Variants in XKR9 observed in about 807,000 individuals in gnomAD.
XKR9 encodes the protein XK related 9, also known as XK-related protein 9.
A neutral mutation model predicts 32.0 loss-of-function variants in XKR9; 32 were observed. The ratio of observed to expected loss-of-function variants is 1.00; its 90% confidence interval spans 0.76 to 1.34. The LOEUF (loss-of-function observed/expected upper bound fraction) is 1.34, where lower values mean the gene tolerates loss of function less well. XKR9 is among the 40% of genes most tolerant of loss of function. The pLI is 0.00. For synonymous variants in XKR9, 168 were observed against 143.4 expected (o/e 1.17, Z -1.22); for missense variants, 546 against 429.7 (o/e 1.27, Z -2.39).
At chr8:70,934,984 C>T in the XKR9 span, among the ~76,000 whole-genome samples, 1 of 151,236 alleles carries the variant, frequency 6.6e-6, no homozygotes, top group African/African-American at 2.4e-5. Flanking sequence ...ACTCTCATCC[C>T]TCCATATGTG....
intron 2 of XKR9, among the ~76,000 whole-genome samples, chr8:70,761,271 G>C (rs1259420244): frequency 6.6e-6 from 1 of 152,126 alleles, no homozygotes; most frequent in African/African-American, 2.4e-5. Context: ...GTCTCTAGGT[G>C]TTTGAGGAAT....
At chr8:70,700,838 G>A (rs962217151) in intron 3 of XKR9, among the ~76,000 whole-genome samples, 5 of 152,214 alleles carry the variant, frequency 3.3e-5, no homozygotes, top group Admixed American at 6.5e-5. Flanking sequence ...TGGGCTCCAC[G>A]CAGTTTGAGC....
the XKR9 span, among the ~76,000 whole-genome samples, chr8:70,903,884 A>T: frequency 6.6e-6 from 1 of 151,988 alleles, no homozygotes; most frequent in Admixed American, 6.6e-5. Context: ...TTGTGCCTTC[A>T]TTTCATTATG....
the XKR9 span, among the ~76,000 whole-genome samples, chr8:70,894,635 G>T: frequency 6.6e-6 from 1 of 152,176 alleles, no homozygotes; most frequent in Admixed American, 6.5e-5. Context: ...CTTCAGCTTA[G>T]GTGCTAGGGT....
At chr8:70,943,851 A>G in the XKR9 span, among the ~76,000 whole-genome samples, 1 of 152,202 alleles carries the variant, frequency 6.6e-6, no homozygotes, top group African/African-American at 2.4e-5. Flanking sequence ...ACTGTAGTGA[A>G]TACTATCTTC....
the XKR9 span, among the ~76,000 whole-genome samples, chr8:70,816,476 A>G: frequency 1.3e-5 from 2 of 152,220 alleles, no homozygotes; most frequent in African/African-American, 4.8e-5. Context: ...TAACAAAGAT[A>G]CAGAATCAAC....
At chr8:70,891,025 T>G in the XKR9 span, among the ~76,000 whole-genome samples, 1 of 152,032 alleles carries the variant, frequency 6.6e-6, no homozygotes, top group South Asian at 2.1e-4. Context: ...ATCTTGGCAG[T>G]TTGTATGTGT....
chr8:70,865,508 T>G, the XKR9 span, among the ~76,000 whole-genome samples: 8 of 152,162 alleles, frequency 5.3e-5, no homozygotes, highest in Non-Finnish European at 1.0e-4. Context: ...TGCAATTGTA[T>G]TTTTTTAATT....
chr8:70,681,195 G>T lies in XKR9; in HGVS notation c.137G>T (p.Ser46Ile). The change falls in exon 3 of 5, where the codon AGC (serine) becomes ATC (isoleucine). Residue 46 changes from serine to isoleucine, a missense_variant. Coordinates refer to ENST00000408926, the MANE Select transcript of XKR9 (RefSeq NM_001011720.2). ...GQYVFSALALSFMLFGTLVAQ... is the reference protein window; with the variant it reads ...GQYVFSALALIFMLFGTLVAQ... ...TATGTTTTTAGTGCTTTAGCGTTAAGCTTTATGCTTTTTGGAACACTTGTG... is the reference window on the plus strand; with the variant it reads ...TATGTTTTTAGTGCTTTAGCGTTAATCTTTATGCTTTTTGGAACACTTGTG... 6.2e-7 allele frequency: 1 copy of T among 1,613,518 alleles called. No individual in the cohort carries two copies. The highest frequency in any genetic ancestry group is 8.5e-7 in the Non-Finnish European group (1 of 1,179,612).
chr8:70,709,776 A>C (rs1313051336), intron 4 of XKR9, among the ~76,000 whole-genome samples: 1 of 152,186 alleles, frequency 6.6e-6, no homozygotes, highest in Non-Finnish European at 1.5e-5. Flanking sequence ...GAGAATTACA[A>C]AACACTGTTA....
At chr8:70,942,664 C>T in the XKR9 span, among the ~76,000 whole-genome samples, 3 of 152,118 alleles carry the variant, frequency 2.0e-5, no homozygotes, top group Non-Finnish European at 4.4e-5. Flanking sequence ...GACCATGTAA[C>T]CTGAGACAAA....
At chr8:70,860,197 C>T in the XKR9 span, among the ~76,000 whole-genome samples, 8 of 152,194 alleles carry the variant, frequency 5.3e-5, no homozygotes, top group East Asian at 1.5e-3. Context: ...TGTGTTGAAA[C>T]CCTAATCCCA....
chr8:70,766,862 T>C (rs1472870766), intron 2 of XKR9, among the ~76,000 whole-genome samples: 1 of 152,216 alleles, frequency 6.6e-6, no homozygotes, highest in African/African-American at 2.4e-5. Flanking sequence ...AATCATGTGG[T>C]TTTTGTCATT....
chr8:70,881,056 C>G, the XKR9 span, among the ~76,000 whole-genome samples: 2 of 152,158 alleles, frequency 1.3e-5, no homozygotes, highest in African/African-American at 2.4e-5. Flanking sequence ...GCTGGGAAAA[C>G]TGGCTAGCCA....
At chr8:71,057,068 T>C in the XKR9 span, among the ~76,000 whole-genome samples, 1 of 152,164 alleles carries the variant, frequency 6.6e-6, no homozygotes, top group African/African-American at 2.4e-5. Context: ...ATTTTATTAT[T>C]GAACCAAAAT....
chr8:70,855,053 G>A, the XKR9 span, among the ~76,000 whole-genome samples: 1 of 152,048 alleles, frequency 6.6e-6, no homozygotes, highest in Non-Finnish European at 1.5e-5. Flanking sequence ...TTCCAATTCT[G>A]TGAAGAAAGT....
intron 4 of XKR9, among the ~76,000 whole-genome samples, chr8:70,725,599 C>T (rs967147311): frequency 4.0e-5 from 6 of 151,876 alleles, no homozygotes; most frequent in Admixed American, 1.3e-4. Context: ...AAACGATGTA[C>T]GAGAGGACTT....
chr8:70,904,223 G>A, the XKR9 span, among the ~76,000 whole-genome samples: 1 of 152,110 alleles, frequency 6.6e-6, no homozygotes, highest in Non-Finnish European at 1.5e-5. Context: ...GGGTGTTAAA[G>A]TCTCCCATTA....
the XKR9 span, among the ~76,000 whole-genome samples, chr8:71,048,327 C>T: frequency 6.6e-6 from 1 of 152,230 alleles, no homozygotes; most frequent in South Asian, 2.1e-4. Flanking sequence ...ATTGTCACAC[C>T]ACATCGTTTA....
Sources: allele counts gnomAD v4.1 joint callset (sites outside exome capture counted in the v4.1 genomes callset), GRCh38; gene constraint gnomAD v4.1.1; transcripts MANE v1.5; gene names NCBI Gene and HGNC (gene_info 2026-07-23, HGNC 2026-07-21).